TFRC: variants seen among roughly 807,000 people sequenced by gnomAD.
The protein encoded by TFRC is transferrin receptor, also known as transferrin receptor protein 1.
Under a neutral mutation model 85.8 loss-of-function variants are expected in TFRC, and 35 were observed. The ratio of observed to expected loss-of-function variants is 0.41; its 90% CI spans 0.31 to 0.54. The LOEUF (loss-of-function observed/expected upper bound fraction) is 0.54. Among genes scored for constraint, TFRC ranks in the 20% least tolerant of loss-of-function variants. TFRC has a pLI of 0.31. For missense variants in TFRC, 828 were observed against 921.5 expected (o/e 0.90, Z 1.31); for synonymous variants, 362 against 328.6 (o/e 1.10, Z -1.10).
intron 16 of TFRC, among the ~76,000 whole-genome samples, chr3:196,056,441 C>T (rs946324261): frequency 6.6e-6 from 1 of 152,200 alleles, no homozygotes; most frequent in African/African-American, 2.4e-5. Context: ...GCTCTGTTGC[C>T]CAGGCTAGAG....
chr3:196,068,008 T>C (rs1425066295), intron 8 of TFRC, 24 bp downstream of exon 8: 1 of 1,586,404 alleles, frequency 6.3e-7, no homozygotes, highest in Admixed American at 1.7e-5. Flanking sequence ...CTCAAAACGG[T>C]GATTTACTCA....
intron 3 of TFRC, 142 bp from the exon 4 acceptor site, chr3:196,074,267 AG>A: frequency 1.5e-6 from 1 of 683,122 alleles, no homozygotes; most frequent in Non-Finnish European, 2.4e-6. Flanking sequence ...AATGCATCTC[AG>A]TTTTGTATAC....
At chr3:196,061,711 A>C (rs963289877) in intron 13 of TFRC, among the ~76,000 whole-genome samples, 1 of 152,124 alleles carries the variant, frequency 6.6e-6, no homozygotes, top group Non-Finnish European at 1.5e-5. Context: ...GCTGGTCTCG[A>C]ACTCCTGACC....
chr3:196,058,173 A>T, intron 16 of TFRC, 111 bp downstream of exon 16: 1 of 824,182 alleles, frequency 1.2e-6, no homozygotes. Flanking sequence ...CTGAATATGT[A>T]CATAGTTGAC....
At chr3:196,060,107 A>G (rs1056785771) in intron 14 of TFRC, 73 bp downstream of exon 14, 6 of 1,187,172 alleles carry the variant, frequency 5.1e-6, no homozygotes, top group African/African-American at 3.1e-5. Flanking sequence ...CGGTTTACAT[A>G]TCAGTGTTTT....
intron 3 of TFRC, among the ~76,000 whole-genome samples, chr3:196,074,751 C>T (rs1187378509): frequency 2.0e-5 from 3 of 151,880 alleles, no homozygotes; most frequent in South Asian, 4.2e-4. Flanking sequence ...TGGTGGTGCA[C>T]GCCTGTAGTC....
rs761347442 is a variant in TFRC, at chr3:196,051,930, T to G, written c.*12A>C. 1 of 1,612,992 alleles carries G rather than the reference T, an allele frequency of 6.2e-7. No homozygotes were observed. The highest frequency in any genetic ancestry group is 8.5e-7 in the Non-Finnish European group (1 of 1,179,156). ...TACCCTGCTGTTCTCATGGAAGCTA[T>G]GGGTATCACATTTAAAACTCATTGT... On this transcript the variant is annotated 3_prime_UTR_variant, in exon 19 of 19. Transcript: ENST00000360110.
chr3:196,067,736 C>G, intron 8 of TFRC, 79 bp from the exon 9 acceptor site: 1 of 1,514,890 alleles, frequency 6.6e-7, no homozygotes, highest in Non-Finnish European at 8.9e-7. Context: ...TGGTATAAGG[C>G]TGCAGCCCAA....
chr3:196,068,763 A>G (rs771632747), intron 7 of TFRC, among the ~76,000 whole-genome samples: 3 of 151,476 alleles, frequency 2.0e-5, no homozygotes, highest in Non-Finnish European at 4.4e-5. Context: ...CCCTGTCTCT[A>G]CTAAAAATGC....
Position 196,052,161 on chromosome 3 carries a change from G to T in TFRC, c.2064C>A (p.Pro688=), listed in dbSNP as rs762292110. Residue 688 remains proline, a synonymous_variant, in exon 19 of 19, where the codon CCC becomes CCA. Coordinates refer to ENST00000360110, the MANE Select transcript of TFRC (RefSeq NM_001128148.3). ...AAGGAGACTCTTTTGGAGATACGTA[G>T]GGAGAGAGGAAGTGATACTCCACCT... ...VMRVEYHFLS[P]YVSPKESPFR... 21 of 1,613,906 alleles carry T rather than the reference G, an allele frequency of 1.3e-5. No individual in the cohort carries two copies. The highest frequency in any genetic ancestry group is 3.3e-5 in the Admixed American group (2 of 59,996).
At chr3:196,079,830 G>C (rs564148668) in intron 1 of TFRC, among the ~76,000 whole-genome samples, 2 of 150,984 alleles carry the variant, frequency 1.3e-5, no homozygotes, top group South Asian at 2.1e-4. Flanking sequence ...TCCAGCCCCT[G>C]TTTTTACCCA....
intron 17 of TFRC, among the ~76,000 whole-genome samples, chr3:196,054,768 C>A (rs975140326): frequency 6.6e-6 from 1 of 152,252 alleles, no homozygotes; most frequent in Non-Finnish European, 1.5e-5. Context: ...GAGAGGCACA[C>A]AGCCCAACTC....
chr3:196,069,093 G>C (rs1717978159), intron 7 of TFRC, among the ~76,000 whole-genome samples: 1 of 152,074 alleles, frequency 6.6e-6, no homozygotes, highest in South Asian at 2.1e-4. Context: ...TGGGATTACA[G>C]GTGTGAGCCC....
intron 14 of TFRC, among the ~76,000 whole-genome samples, chr3:196,059,578 C>T (rs1717096038): frequency 6.6e-6 from 1 of 152,050 alleles, no homozygotes; most frequent in Non-Finnish European, 1.5e-5. Context: ...CCTCTAATCC[C>T]ATTAGGCAAA....
intron 1 of TFRC, among the ~76,000 whole-genome samples, chr3:196,077,669 G>A (rs983973726): frequency 6.6e-6 from 1 of 151,930 alleles, no homozygotes; most frequent in Non-Finnish European, 1.5e-5. Flanking sequence ...GGAGAATGGC[G>A]TGAACCCAGG....
intron 2 of TFRC, among the ~76,000 whole-genome samples, chr3:196,076,786 A>G (rs1718742288): frequency 6.6e-6 from 1 of 152,086 alleles, no homozygotes; most frequent in Non-Finnish European, 1.5e-5. Context: ...TCTCCTACTA[A>G]AACATTTTGA....
intron 6 of TFRC, among the ~76,000 whole-genome samples, chr3:196,070,705 G>A (rs11185506): frequency 6.6e-6 from 1 of 150,392 alleles, no homozygotes; most frequent in African/African-American, 2.4e-5. Context: ...TGAGGGTGGT[G>A]AATCACCTGA....
chr3:196,064,300 G>A lies in TFRC; in HGVS notation c.1318+9C>T. The A allele has an allele frequency of 6.2e-7, 1 of 1,604,716 alleles. No homozygotes were observed. The highest frequency in any genetic ancestry group is 1.3e-5 in the African/African-American group (1 of 74,282). On this transcript the variant is annotated intron_variant, in intron 11 of 18. Transcript: ENST00000360110. ...CCAATATTCAAAAGAATCAAAATTT[G>A]TACTCTACCTTTTAAGACCATATCT...
rs1028908465 is a variant in TFRC, at chr3:196,060,475, C to T, written c.1469-228G>A. The T allele has an allele frequency of 4.5e-5, 22 of 487,862 alleles. No homozygotes were observed. The Middle Eastern group carries it at 1.7e-3, about 37-fold the overall frequency. 30.2% of individuals were successfully genotyped at this position (487,862 alleles called of 1,614,324 possible). Reference sequence around the variant, plus strand: ...TCGTACTACTCCTTGAGTTTGCATACTTTAATCCAAGTCACCTTTTTTAAA... The same window carrying T: ...TCGTACTACTCCTTGAGTTTGCATATTTTAATCCAAGTCACCTTTTTTAAA... On this transcript the variant is annotated intron_variant, in intron 13 of 18. Transcript: ENST00000360110.
Sources: gnomAD v4.1 joint callset for allele counts (sites outside exome capture counted in the v4.1 genomes callset) on GRCh38, gnomAD v4.1.1 for gene constraint, MANE v1.5 for transcripts, NCBI Gene and HGNC (gene_info 2026-07-23, HGNC 2026-07-21) for gene names.